Variants in ATP10D observed in about 807,000 individuals in gnomAD.
ATP10D encodes phospholipid-transporting ATPase VD.
In ATP10D, 89 loss-of-function variants were observed where a neutral mutation model predicts 144.8. The ratio of observed to expected loss-of-function variants is 0.61; its 90% CI spans 0.52 to 0.73. The LOEUF is 0.73. Among genes scored for constraint, ATP10D ranks in the 30% least tolerant of loss-of-function variants. The probability of loss-of-function intolerance (pLI) is 0.00; values close to 1 mark genes in which losing one functional copy is unlikely to be tolerated. For synonymous variants in ATP10D, 571 were observed against 615.1 expected (o/e 0.93, Z 1.06); for missense variants, 1,603 against 1,714.8 (o/e 0.93, Z 1.15).
At chr4:47,579,312 G>A (rs536885096) in intron 19 of ATP10D, among the ~76,000 whole-genome samples, 1 of 152,142 alleles carries the variant, frequency 6.6e-6, no homozygotes, top group South Asian at 2.1e-4. Flanking sequence ...TGGGCACCTG[G>A]TATGTACAAG....
chr4:47,495,789 G>GT (rs1403241894), intron 1 of ATP10D, among the ~76,000 whole-genome samples: 12 of 150,584 alleles, frequency 8.0e-5, no homozygotes, highest in African/African-American at 2.7e-4. Flanking sequence ...TCAGGCTGGA[G>GT]TGCAATGGTG....
At chr4:47,532,320 G>A (rs1717611732) in intron 5 of ATP10D, among the ~76,000 whole-genome samples, 1 of 152,062 alleles carries the variant, frequency 6.6e-6, no homozygotes, top group African/African-American at 2.4e-5. Context: ...TAGGTTTCTG[G>A]GCAACATGTT....
intron 3 of ATP10D, among the ~76,000 whole-genome samples, chr4:47,520,658 T>C (rs1055021747): frequency 6.6e-6 from 1 of 152,122 alleles, no homozygotes; most frequent in Non-Finnish European, 1.5e-5. Context: ...AACCTCCACC[T>C]CCCGGGTTCA....
intron 1 of ATP10D, among the ~76,000 whole-genome samples, chr4:47,499,735 G>A (rs1451475634): frequency 6.6e-6 from 1 of 152,180 alleles, no homozygotes; most frequent in Admixed American, 6.5e-5. Flanking sequence ...GGATGAAATT[G>A]TTTTGATACT....
chr4:47,550,493 G>T (rs531308585), intron 10 of ATP10D, among the ~76,000 whole-genome samples: 1 of 152,048 alleles, frequency 6.6e-6, no homozygotes, highest in African/African-American at 2.4e-5. Context: ...GGGTTGGGGG[G>T]GGCGGTCCTT....
intron 9 of ATP10D, among the ~76,000 whole-genome samples, chr4:47,542,152 A>G (rs1349494844): frequency 1.3e-5 from 2 of 149,520 alleles, no homozygotes; most frequent in African/African-American, 4.9e-5. Context: ...GCTGGAGTGC[A>G]GTGGCATGAT....
intron 10 of ATP10D, among the ~76,000 whole-genome samples, chr4:47,548,438 C>T (rs1718553561): frequency 6.6e-6 from 1 of 152,164 alleles, no homozygotes. Flanking sequence ...TCCGTCCCTC[C>T]GTCCCTTCAT....
chr4:47,492,858 A>G (rs1715153939), intron 1 of ATP10D, among the ~76,000 whole-genome samples: 1 of 152,198 alleles, frequency 6.6e-6, no homozygotes, highest in Non-Finnish European at 1.5e-5. Flanking sequence ...ATATTCTTTA[A>G]AGAAAATAAC....
chr4:47,536,507 C>A lies in ATP10D; in HGVS notation c.1086C>A (p.Ile362=), dbSNP rs1218790875. 6.2e-7 allele frequency: 1 copy of A among 1,613,578 alleles called. No individual in the cohort carries two copies. The highest frequency in any genetic ancestry group is 1.1e-5 in the South Asian group (1 of 91,050). The change falls in exon 8 of 23, where the codon ATC becomes ATA. Residue 362 remains isoleucine, a synonymous_variant. Coordinates refer to ENST00000273859, the MANE Select transcript of ATP10D (RefSeq NM_020453.4). ...ATGTTCCCGAGCCTGATGGACATAT[C>A]ATATCACCACTGTTGGCAGGATTTT... ...FFNVPEPDGH[I]ISPLLAGFYM...
intron 5 of ATP10D, among the ~76,000 whole-genome samples, chr4:47,532,059 G>T (rs1717595937): frequency 6.6e-6 from 1 of 152,228 alleles, no homozygotes. Context: ...TTTGTCTAGT[G>T]TCTGAGACTC....
chr4:47,515,659 A>G lies in ATP10D; in HGVS notation c.474A>G (p.Lys158=), dbSNP rs1433884787. The change falls in exon 3 of 23, where the codon AAA becomes AAG. Residue 158 remains lysine (K), a synonymous_variant. Transcript: ENST00000273859. ...IDKQINNLIT[K]VYSRKEKKYI... ...AACAGATCAATAATTTAATAACTAAAGTTTATAGTAGGTAAGTGTAATGGG... is the reference window on the plus strand; with the variant it reads ...AACAGATCAATAATTTAATAACTAAGGTTTATAGTAGGTAAGTGTAATGGG... 9 of 1,594,338 alleles carry G rather than the reference A, an allele frequency of 5.6e-6. No individual in the cohort carries two copies. Among genetic ancestry groups the G allele is most frequent in the Non-Finnish European group, 7.7e-6 (9 of 1,162,496 alleles).
In ATP10D at chr4:47,562,278, A is replaced by G. The variant is rs543951637; in HGVS notation, c.2668+1203A>G. Among the ~76,000 whole-genome samples the G allele has an allele frequency of 5.3e-5, 8 of 152,306 alleles. No homozygotes were observed. The South Asian group carries it at 1.0e-3, about 20-fold the overall frequency. Reference sequence around the variant, plus strand: ...GAATTCCAAAACACATATGGCCCCAATTGTTTCAGAAAAGGGAACTGTAGA... The same window carrying G: ...GAATTCCAAAACACATATGGCCCCAGTTGTTTCAGAAAAGGGAACTGTAGA... On this transcript the variant is annotated intron_variant, in intron 14 of 22. Coordinates refer to ENST00000273859, the MANE Select transcript of ATP10D (RefSeq NM_020453.4).
At chr4:47,525,432 C>A in intron 4 of ATP10D, 125 bp from the exon 5 acceptor site, 1 of 687,832 alleles carries the variant, frequency 1.5e-6, no homozygotes, top group Non-Finnish European at 2.4e-6. Context: ...TTGGGAAATT[C>A]ATGATATGAA....
Position 47,563,568 on chromosome 4 carries a change from G to A in ATP10D, c.2669-13G>A. The A allele has an allele frequency of 1.3e-6, 2 of 1,594,710 alleles. No individual in the cohort carries two copies. The highest frequency in any genetic ancestry group is 1.7e-6 in the Non-Finnish European group (2 of 1,172,490). ...TTTCTTACAAGTCCTATTGCACTTTGGTTATTTTTTAGGTGCTACTGGCAT... is the reference window on the plus strand; with the variant it reads ...TTTCTTACAAGTCCTATTGCACTTTAGTTATTTTTTAGGTGCTACTGGCAT... On this transcript the variant is annotated splice_polypyrimidine_tract_variant and intron_variant, in intron 14 of 22. Coordinates refer to ENST00000273859, the MANE Select transcript of ATP10D (RefSeq NM_020453.4).
intron 14 of ATP10D, among the ~76,000 whole-genome samples, chr4:47,562,609 C>G (rs1379210198): frequency 6.6e-6 from 1 of 152,138 alleles, no homozygotes; most frequent in Non-Finnish European, 1.5e-5. Flanking sequence ...TAAATTAGTA[C>G]AACCTCTATG....
rs188092117 is a variant in ATP10D, at chr4:47,503,909, T to A, written c.-37-8595T>A. 1.6e-3 allele frequency among the ~76,000 whole-genome samples: 240 copies of A among 149,012 alleles called. 2 individuals are homozygous for A. Among genetic ancestry groups the A allele is most frequent in the African/African-American group, 5.7e-3 (236 of 41,224 alleles). On this transcript the variant is annotated intron_variant, in intron 1 of 22. Transcript: ENST00000273859. The stretch of plus-strand genomic sequence containing the variant: ...GCAAGACCTGTCTAAAAAAAAATAA[T>A]AAATAAAAAATAAAATAAAATAAAA...
intron 3 of ATP10D, among the ~76,000 whole-genome samples, chr4:47,518,888 G>T (rs1245046935): frequency 6.6e-6 from 1 of 152,098 alleles, no homozygotes; most frequent in Admixed American, 6.5e-5. Flanking sequence ...AATTTACAGG[G>T]CCACTTAAGA....
At chr4:47,522,411 T>C (rs1577641693) in intron 3 of ATP10D, among the ~76,000 whole-genome samples, 3 of 152,324 alleles carry the variant, frequency 2.0e-5, no homozygotes, top group East Asian at 3.9e-4. Flanking sequence ...ATGTTGATTG[T>C]AATTTTATTC....
intron 18 of ATP10D, among the ~76,000 whole-genome samples, chr4:47,576,002 G>T (rs1720219007): frequency 7.1e-6 from 1 of 140,326 alleles, no homozygotes; most frequent in South Asian, 2.3e-4. Context: ...CGCGATCTCG[G>T]CTCACTGCAA....
Sources: gnomAD v4.1 joint callset for allele counts (sites outside exome capture counted in the v4.1 genomes callset) on GRCh38, gnomAD v4.1.1 for gene constraint, MANE v1.5 for transcripts, NCBI Gene and HGNC (gene_info 2026-07-23, HGNC 2026-07-21) for gene names.